COL19A1: variants seen among roughly 807,000 people sequenced by gnomAD.
The protein encoded by COL19A1 is collagen alpha-1(XIX) chain.
Under a neutral mutation model 190.2 loss-of-function variants are expected in COL19A1, and 159 were observed. The observed-to-expected ratio is 0.84, with a 90% CI of 0.73 to 0.95. The LOEUF is 0.95. Among genes scored for constraint, COL19A1 ranks in the 40% least tolerant of loss-of-function variants. COL19A1 has a pLI of 0.00. For synonymous variants in COL19A1, 509 were observed against 458.9 expected (o/e 1.11, Z -1.39); for missense variants, 1,418 against 1,431.9 (o/e 0.99, Z 0.16).
intron 1 of COL19A1, among the ~76,000 whole-genome samples, chr6:69,874,778 CAA>C (rs1768042717): frequency 6.6e-6 from 1 of 151,772 alleles, no homozygotes; most frequent in African/African-American, 2.4e-5. Flanking sequence ...AAGAAGTGTG[CAA>C]AGAGAAATAA....
At chr6:70,068,015 T>C (rs1243561535) in intron 14 of COL19A1, among the ~76,000 whole-genome samples, 1 of 152,124 alleles carries the variant, frequency 6.6e-6, no homozygotes, top group Non-Finnish European at 1.5e-5. Context: ...TGCATTTCCT[T>C]AGAATATACT....
At chr6:69,914,137 T>C (rs1184075197) in intron 4 of COL19A1, among the ~76,000 whole-genome samples, 1 of 152,172 alleles carries the variant, frequency 6.6e-6, no homozygotes, top group Non-Finnish European at 1.5e-5. Flanking sequence ...GAACTAGTGC[T>C]AATCAGATCA....
At chr6:70,100,273 T>C (rs1783542603) in intron 15 of COL19A1, among the ~76,000 whole-genome samples, 1 of 152,186 alleles carries the variant, frequency 6.6e-6, no homozygotes, top group South Asian at 2.1e-4. Context: ...ACTTTCTAAG[T>C]AAACTTTTTA....
chr6:69,937,038 C>A, intron 8 of COL19A1, 128 bp downstream of exon 8: 1 of 1,310,992 alleles, frequency 7.6e-7, no homozygotes. Flanking sequence ...ACCTCAGTTA[C>A]TGGGGTGGGT....
intron 9 of COL19A1, among the ~76,000 whole-genome samples, chr6:69,938,891 T>C (rs1260957820): frequency 6.6e-6 from 1 of 152,158 alleles, no homozygotes; most frequent in African/African-American, 2.4e-5. Context: ...CTGTTAGAAG[T>C]TGATTCTGTT....
At chr6:70,115,214 G>A (rs916743077) in intron 16 of COL19A1, among the ~76,000 whole-genome samples, 1 of 152,078 alleles carries the variant, frequency 6.6e-6, no homozygotes. Flanking sequence ...TACCCGCCTT[G>A]CTCTTGGGAA....
intron 17 of COL19A1, among the ~76,000 whole-genome samples, chr6:70,127,041 G>A (rs76239956): frequency 0.023 from 3,544 of 152,256 alleles, 136 homozygotes; most frequent in African/African-American, 0.081. Flanking sequence ...TGAATGCCAG[G>A]GGAGGCTTTC....
intron 41 of COL19A1, among the ~76,000 whole-genome samples, chr6:70,175,463 A>G (rs1192286614): frequency 3.9e-5 from 6 of 152,000 alleles, no homozygotes; most frequent in Non-Finnish European, 8.8e-5. Context: ...TGGAATTCAT[A>G]TGGGATATAA....
At chr6:70,075,137 A>T (rs1781808753) in intron 15 of COL19A1, among the ~76,000 whole-genome samples, 1 of 152,142 alleles carries the variant, frequency 6.6e-6, no homozygotes, top group African/African-American at 2.4e-5. Flanking sequence ...CTCCATGAGG[A>T]TTATCTTGGG....
At chr6:69,967,354 C>G (rs1775176315) in intron 11 of COL19A1, among the ~76,000 whole-genome samples, 1 of 152,110 alleles carries the variant, frequency 6.6e-6, no homozygotes, top group Non-Finnish European at 1.5e-5. Context: ...AAAAAACAAT[C>G]AAATGAGCAC....
intron 14 of COL19A1, among the ~76,000 whole-genome samples, chr6:70,066,050 A>G (rs1206536208): frequency 2.0e-5 from 3 of 152,208 alleles, no homozygotes; most frequent in African/African-American, 7.2e-5. Flanking sequence ...GCGATTCCTC[A>G]GGGATCTAGA....
chr6:70,114,919 G>C (rs2150203615), intron 16 of COL19A1, among the ~76,000 whole-genome samples: 1 of 152,168 alleles, frequency 6.6e-6, no homozygotes, highest in Middle Eastern at 3.4e-3. Context: ...CTTTTGTATT[G>C]ACCAATGAAT....
chr6:70,198,183 T>C (rs957573908), intron 48 of COL19A1, among the ~76,000 whole-genome samples: 1 of 152,248 alleles, frequency 6.6e-6, no homozygotes, highest in Non-Finnish European at 1.5e-5. Flanking sequence ...ATTTGGGCTT[T>C]GTGTTTTCTA....
At chr6:70,149,644 T>C (rs1786903862) in intron 27 of COL19A1, 60 bp from the exon 28 acceptor site, 1 of 1,595,976 alleles carries the variant, frequency 6.3e-7, no homozygotes, top group Admixed American at 1.7e-5. Context: ...TTTATGTCAC[T>C]TGGATAATTT....
In COL19A1 at chr6:70,168,236, T is replaced by G. The variant is rs373519599; in HGVS notation, c.2541+21T>G. ...CTCCTGTAAGTACAGTTGTTTATCA[T>G]CAAACACACTTTAGCTGAACAACCA... On this transcript the variant is annotated intron_variant, in intron 39 of 50. Transcript: ENST00000620364. 1.9e-6 allele frequency: 3 copies of G among 1,610,958 alleles called. No homozygotes were observed. In the Admixed American group the frequency reaches 5.0e-5, roughly 27 times the overall value.
chr6:69,940,017 T>C (rs1444626713), intron 9 of COL19A1, among the ~76,000 whole-genome samples: 1 of 152,002 alleles, frequency 6.6e-6, no homozygotes, highest in Non-Finnish European at 1.5e-5. Context: ...ATATTTAAGA[T>C]TGCTGGCACA....
chr6:70,044,269 G>A (rs1432278397), intron 14 of COL19A1, among the ~76,000 whole-genome samples: 1 of 152,184 alleles, frequency 6.6e-6, no homozygotes, highest in East Asian at 1.9e-4. Context: ...AGATCTTTAA[G>A]TCTTTCTTCA....
chr6:69,965,253 C>T (rs1184945698), intron 11 of COL19A1, among the ~76,000 whole-genome samples: 1 of 152,138 alleles, frequency 6.6e-6, no homozygotes, highest in Non-Finnish European at 1.5e-5. Flanking sequence ...TTGCAAAATA[C>T]AATTCAGGAC....
chr6:69,968,111 T>G (rs1466896283), intron 11 of COL19A1, among the ~76,000 whole-genome samples: 1 of 152,182 alleles, frequency 6.6e-6, no homozygotes, highest in Non-Finnish European at 1.5e-5. Context: ...TGGTGCTGAT[T>G]GTATTAGTAT....
Sources: allele counts gnomAD v4.1 joint callset (sites outside exome capture counted in the v4.1 genomes callset), GRCh38; gene constraint gnomAD v4.1.1; transcripts MANE v1.5; gene names NCBI Gene and HGNC (gene_info 2026-07-23, HGNC 2026-07-21).